CCK: variants seen among roughly 807,000 people sequenced by gnomAD.
CCK encodes the protein cholecystokinin triacontatriapeptide.
CCK carries 11 observed loss-of-function variants against 10.1 expected under a neutral mutation model. The ratio of observed to expected loss-of-function variants is 1.09; its 90% CI spans 0.69 to 1.81. CCK has a LOEUF of 1.81. Ranked by LOEUF, CCK falls within the 40% of genes most tolerant of loss-of-function variation. CCK has a pLI of 0.00. For missense variants in CCK, 137 were observed against 159.9 expected, an observed-to-expected ratio of 0.86 and a Z score of 0.77; for synonymous variants, 83 against 71.9, an observed-to-expected ratio of 1.15 and a Z score of -0.78.
intron 4 of CCK, among the ~76,000 whole-genome samples, chr3:42,262,713 G>C (rs1711233856): frequency 6.6e-6 from 1 of 151,794 alleles, no homozygotes; most frequent in Admixed American, 6.6e-5. Flanking sequence ...AGGAGCTTAG[G>C]GGAAAGCTAG....
intron 4 of CCK, among the ~76,000 whole-genome samples, chr3:42,261,675 G>C (rs1440538711): frequency 1.3e-5 from 2 of 150,954 alleles, no homozygotes; most frequent in Non-Finnish European, 2.9e-5. Context: ...CACATTTCAG[G>C]CCTTTTTGCA....
In CCK at chr3:42,263,399, G is replaced by C; in HGVS notation, c.214+18C>G. On this transcript the variant is annotated intron_variant, in intron 4 of 4. Transcript: ENST00000396169. ...GGAACAAGGGCAGAAGTGAGGGATGGGGAGGCAGCATTCTTACCTTTCCGG... is the reference window on the plus strand; with the variant it reads ...GGAACAAGGGCAGAAGTGAGGGATGCGGAGGCAGCATTCTTACCTTTCCGG... 2 of 1,614,168 alleles carry C rather than the reference G, an allele frequency of 1.2e-6. No individual in the cohort carries two copies. The highest frequency in any genetic ancestry group is 1.3e-5 in the African/African-American group (1 of 75,048).
At chr3:42,264,941 G>C (rs1476125360) in intron 2 of CCK, 34 bp from the exon 3 acceptor site, 3 of 152,284 alleles carry the variant, frequency 2.0e-5, no homozygotes, top group Non-Finnish European at 4.4e-5. Context: ...TAGTGGGGTG[G>C]AGTTAATCCC....
At position 42,258,171 on chromosome 3, in the gene CCK, A is replaced by G. The variant is rs1711163712; in HGVS notation, c.275T>C (p.Ile92Thr). Residue 92 changes from isoleucine (I) to threonine (T), a missense_variant, in exon 5 of 5, where the codon ATA becomes ACA. By Grantham distance (89) the Ile-to-Thr change is moderately conservative (BLOSUM62 -1). Transcript: ENST00000396169. ...NLQNLDPSHR[I>T]SDRDYMGWMD... ...CCAGCCCATGTAGTCCCGGTCACTT[A>G]TCCTGTGGCTGGGGTCCAGGTTCTG... The G allele has an allele frequency of 6.8e-6, 11 of 1,614,090 alleles. No individual in the cohort carries two copies. Among genetic ancestry groups the G allele is most frequent in the Non-Finnish European group, 9.3e-6 (11 of 1,179,976 alleles).
Position 42,263,508 on chromosome 3 carries a change from A to G in CCK, c.123T>C (p.Arg41=). ...SGLQRAEEAP[R]RQLRVSQRTD... ...TTCTCTGCGATACCCTCAGCTGCCT[A>G]CGGGGCGCCTCCTCTGCCCGCTGCA... Residue 41 remains arginine, a synonymous_variant, in exon 4 of 5, where the codon CGT becomes CGC. Coordinates refer to ENST00000396169, the MANE Select transcript of CCK (RefSeq NM_000729.6). The G allele has an allele frequency of 6.2e-7, 1 of 1,613,940 alleles. No homozygotes were observed. The highest frequency in any genetic ancestry group is 1.1e-5 in the South Asian group (1 of 91,074).
At chr3:42,261,518 G>A (rs1711211029) in intron 4 of CCK, among the ~76,000 whole-genome samples, 1 of 152,064 alleles carries the variant, frequency 6.6e-6, no homozygotes, top group South Asian at 2.1e-4. Flanking sequence ...GGGGGGCTGA[G>A]AAGAGGGACT....
intron 4 of CCK, 130 bp from the exon 5 acceptor site, chr3:42,258,361 C>T (rs1711167536): frequency 1.3e-5 from 13 of 1,004,898 alleles, no homozygotes; most frequent in Admixed American, 5.8e-5. Flanking sequence ...TATCAAAGAG[C>T]TATCAAAGTA....
intron 4 of CCK, among the ~76,000 whole-genome samples, chr3:42,260,202 A>T (rs1711191993): frequency 6.6e-6 from 1 of 152,190 alleles, no homozygotes; most frequent in Non-Finnish European, 1.5e-5. Context: ...CTTTTTGCAG[A>T]TATCCTCAGC....
Position 42,257,951 on chromosome 3 carries a change from A to G in CCK, c.*147T>C. ...GTGGTTGCACTGGACAATCTTACAGACACATTTTTCACATTGAGAACTTAA... is the reference window on the plus strand; with the variant it reads ...GTGGTTGCACTGGACAATCTTACAGGCACATTTTTCACATTGAGAACTTAA... On this transcript the variant is annotated 3_prime_UTR_variant, in exon 5 of 5. Coordinates refer to ENST00000396169, the MANE Select transcript of CCK (RefSeq NM_000729.6). 1.2e-6 allele frequency: 1 copy of G among 826,416 alleles called. No homozygotes were observed. The highest frequency in any genetic ancestry group is 1.9e-6 in the Non-Finnish European group (1 of 539,724). 51.2% of individuals were successfully genotyped at this position (826,416 alleles called of 1,614,324 possible). A position where few individuals can be genotyped will look rare whatever the true frequency, so the allele number is the denominator to read the frequency against.
At position 42,258,245 on chromosome 3, in the gene CCK, G is replaced by A. The variant is rs3774396; in HGVS notation, c.215-14C>T. The A allele has an allele frequency of 0.027, 42,854 of 1,609,068 alleles. 4,919 individuals are homozygous for A. The African/African-American group carries it at 0.33, about 12-fold the overall frequency. ...GTCCAGAAGGAGCTACAAGGAGCAG[G>A]GAGGAAGGAAACAGGGACATTGCAT... is the stretch of plus-strand genomic sequence containing the variant. On this transcript the variant is annotated splice_polypyrimidine_tract_variant and intron_variant, in intron 4 of 4. Coordinates refer to ENST00000396169, the MANE Select transcript of CCK (RefSeq NM_000729.6).
rs772953274 is a variant in CCK, at chr3:42,263,465, C to T, written c.166G>A (p.Ala56Thr). 6.2e-7 allele frequency: 1 copy of T among 1,614,150 alleles called. No homozygotes were observed. The highest frequency in any genetic ancestry group is 1.1e-5 in the South Asian group (1 of 91,084). The change falls in exon 4 of 5, where the codon GCG becomes ACG. Residue 56 changes from alanine (A) to threonine (T), a missense_variant. Transcript: ENST00000396169. ...CTTGCCAGCAGGGCGCCCAGGTGCG[C>T]TCGGGACTCGCCATCCGTTCTCTGC... ...VSQRTDGESR[A>T]HLGALLARYI...
intron 4 of CCK, among the ~76,000 whole-genome samples, chr3:42,259,281 C>T (rs1479885631): frequency 1.3e-5 from 2 of 152,114 alleles, no homozygotes; most frequent in Non-Finnish European, 2.9e-5. Flanking sequence ...AGCAAACCAC[C>T]ATGGCATGTG....
intron 3 of CCK, chr3:42,263,977 C>T: frequency 4.0e-6 from 1 of 252,324 alleles, no homozygotes. Flanking sequence ...AATAAAACCC[C>T]ACGAGATTAA....
In CCK at chr3:42,258,103, A is replaced by T; in HGVS notation, c.343T>A (p.Ser115Thr). Residue 115 changes from serine to threonine, a missense_variant, in exon 5 of 5, where the codon TCC becomes ACC. Ser to Thr is a moderately conservative substitution (Grantham distance 58). Coordinates refer to ENST00000396169, the MANE Select transcript of CCK (RefSeq NM_000729.6). Reference sequence around the variant, plus strand: ...GCTGATGGCGGCTGGGTCCTCTAGGAGGGGTACTCATACTCCTCGGCACTG... The same window carrying T: ...GCTGATGGCGGCTGGGTCCTCTAGGTGGGGTACTCATACTCCTCGGCACTG... Reference protein sequence around the residue: ...RRSAEEYEYPS With the variant: ...RRSAEEYEYPT The T allele has an allele frequency of 1.2e-6, 2 of 1,612,596 alleles. No homozygotes were observed. The highest frequency in any genetic ancestry group is 2.2e-5 in the South Asian group (2 of 90,668).
chr3:42,260,987 C>A (rs1711202610), intron 4 of CCK, among the ~76,000 whole-genome samples: 1 of 152,144 alleles, frequency 6.6e-6, no homozygotes, highest in African/African-American at 2.4e-5. Context: ...CCCCAGCTTC[C>A]ACACTGGCAA....
chr3:42,261,819 A>T (rs10865918), intron 4 of CCK, among the ~76,000 whole-genome samples: 1 of 151,880 alleles, frequency 6.6e-6, no homozygotes, highest in East Asian at 1.9e-4. Context: ...GTATCTGGGG[A>T]CAGATACTAA....
intron 3 of CCK, 124 bp downstream of exon 3, chr3:42,264,573 C>T (rs1711260903): frequency 2.0e-5 from 3 of 151,956 alleles, no homozygotes; most frequent in South Asian, 2.1e-4. Flanking sequence ...AAATGTCTTT[C>T]GAGCTCTCGG....
intron 4 of CCK, among the ~76,000 whole-genome samples, chr3:42,261,542 C>T (rs1185285081): frequency 6.6e-6 from 1 of 151,628 alleles, no homozygotes; most frequent in Non-Finnish European, 1.5e-5. Context: ...AAGAACTTTC[C>T]AGCTAAGATT....
chr3:42,263,553 T>C lies in CCK; in HGVS notation c.78A>G (p.Ala26=), dbSNP rs1711246120. 6.2e-7 allele frequency: 1 copy of C among 1,611,350 alleles called. No homozygotes were observed. Among genetic ancestry groups the C allele is most frequent in the South Asian group, 1.1e-5 (1 of 90,904 alleles). ...AGALTQPVPP[A]DPAGSGLQRA... is the part of the protein sequence containing the mutation. ...GCTGCAGCCCGGAGCCCGCGGGATC[T>C]GCGGGAGGCACCGGCTGCGTCAGGG... is the stretch of plus-strand genomic sequence containing the variant. Residue 26 remains alanine, a synonymous_variant, in exon 4 of 5, where the codon GCA becomes GCG. Transcript: ENST00000396169.
Sources: allele counts gnomAD v4.1 joint callset (sites outside exome capture counted in the v4.1 genomes callset), GRCh38; gene constraint gnomAD v4.1.1; transcripts MANE v1.5; gene names NCBI Gene and HGNC (gene_info 2026-07-23, HGNC 2026-07-21).